NRG3: variants seen among roughly 807,000 people sequenced by gnomAD.
NRG3 encodes the protein pro-neuregulin-3, membrane-bound isoform.
Under a neutral mutation model 66.9 loss-of-function variants are expected in NRG3, and 31 were observed. The ratio of observed to expected loss-of-function variants is 0.46; its 90% CI spans 0.35 to 0.63. NRG3 has a LOEUF of 0.63. Ranked by LOEUF, NRG3 falls within the 20% of genes least tolerant of loss-of-function variation. The pLI, the probability that NRG3 is intolerant of heterozygous loss-of-function variation, is 0.00. For synonymous variants in NRG3, 393 were observed against 359.4 expected (o/e 1.09, Z -1.06); for missense variants, 910 against 878.9 (o/e 1.04, Z -0.45).
chr10:82,300,113 T>C (rs1047333733), intron 1 of NRG3, among the ~76,000 whole-genome samples: 3 of 152,150 alleles, frequency 2.0e-5, no homozygotes, highest in African/African-American at 7.2e-5. Flanking sequence ...GTAAACACAT[T>C]GTTAGTTTGG....
At chr10:82,030,783 G>GAC in intron 1 of NRG3, among the ~76,000 whole-genome samples, 1 of 151,826 alleles carries the variant, frequency 6.6e-6, no homozygotes, top group East Asian at 1.9e-4. Flanking sequence ...ATAAATGAAG[G>GAC]ACAAGTTTGC....
At chr10:82,116,243 C>T (rs1314419094) in intron 1 of NRG3, among the ~76,000 whole-genome samples, 1 of 151,938 alleles carries the variant, frequency 6.6e-6, no homozygotes, top group East Asian at 1.9e-4. Context: ...TATAGTATCC[C>T]TTTATTTATT....
At chr10:81,956,571 T>C (rs1849854824) in intron 1 of NRG3, among the ~76,000 whole-genome samples, 1 of 152,140 alleles carries the variant, frequency 6.6e-6, no homozygotes, top group South Asian at 2.1e-4. Flanking sequence ...TAACTGTACT[T>C]TCAAAATATA....
chr10:82,506,341 A>C (rs555394108), intron 2 of NRG3, among the ~76,000 whole-genome samples: 1 of 152,330 alleles, frequency 6.6e-6, no homozygotes, highest in East Asian at 1.9e-4. Flanking sequence ...AGGTACTCCA[A>C]CTTTTCCTTT....
At chr10:82,973,729 G>A (rs1851984955) in intron 6 of NRG3, 59 bp from the exon 7 acceptor site, 1 of 1,599,508 alleles carries the variant, frequency 6.3e-7, no homozygotes, top group Admixed American at 1.7e-5. Context: ...TAGCTCTGGT[G>A]TTATAGGCCC....
At chr10:82,960,854 T>A (rs1850570028) in intron 6 of NRG3, among the ~76,000 whole-genome samples, 1 of 151,840 alleles carries the variant, frequency 6.6e-6, no homozygotes, top group Admixed American at 6.6e-5. Context: ...GTAATTTTCC[T>A]TTACCTACCC....
At chr10:81,882,406 T>G (rs993619637) in intron 1 of NRG3, among the ~76,000 whole-genome samples, 2 of 152,174 alleles carry the variant, frequency 1.3e-5, no homozygotes, top group East Asian at 3.8e-4. Flanking sequence ...AATATATGTG[T>G]GTGTGTGTGT....
intron 2 of NRG3, among the ~76,000 whole-genome samples, chr10:82,404,734 A>C (rs2087370935): frequency 6.6e-6 from 1 of 152,176 alleles, no homozygotes; most frequent in African/African-American, 2.4e-5. Flanking sequence ...ACTGGAGTCT[A>C]TTACAGTTAA....
intron 2 of NRG3, among the ~76,000 whole-genome samples, chr10:82,366,369 C>T (rs897599303): frequency 1.3e-5 from 2 of 152,224 alleles, no homozygotes; most frequent in East Asian, 1.9e-4. Context: ...CAGGAGACTT[C>T]GGTTTAAAAG....
chr10:82,092,367 C>T (rs2133529636), intron 1 of NRG3, among the ~76,000 whole-genome samples: 1 of 152,150 alleles, frequency 6.6e-6, no homozygotes, highest in South Asian at 2.1e-4. Flanking sequence ...CCATTATCCC[C>T]ACCCTCAACT....
chr10:82,767,219 C>T (rs1003206913), intron 3 of NRG3, among the ~76,000 whole-genome samples: 5 of 152,040 alleles, frequency 3.3e-5, no homozygotes, highest in Admixed American at 3.3e-4. Flanking sequence ...TCTCCTGGAG[C>T]ACCCATCTAT....
intron 3 of NRG3, among the ~76,000 whole-genome samples, chr10:82,761,932 CTTTCTTTCTT>C (rs952627889): frequency 2.6e-5 from 3 of 117,444 alleles, no homozygotes; most frequent in African/African-American, 1.0e-4. Context: ...CTCTTTCTTT[CTTTCTTTCTT>C]TCTTTCTTTC....
In NRG3 at chr10:81,917,268, C is replaced by T. The variant is rs138362866; in HGVS notation, c.823+41105C>T. Among the ~76,000 whole-genome samples the T allele has an allele frequency of 1.1e-4, 16 of 152,296 alleles. No homozygotes were observed. The East Asian group carries it at 2.9e-3, about 28-fold the overall frequency. On this transcript the variant is annotated intron_variant, in intron 1 of 8. Coordinates refer to ENST00000372141, the MANE Select transcript of NRG3 (RefSeq NM_001010848.4). Reference sequence around the variant, plus strand: ...TTCAAGTCCCTTATTTGGAATGCATCTCTCCTTCCTCGGCTCTCCCCAAAC... The same window carrying T: ...TTCAAGTCCCTTATTTGGAATGCATTTCTCCTTCCTCGGCTCTCCCCAAAC...
intron 1 of NRG3, among the ~76,000 whole-genome samples, chr10:82,251,927 A>G (rs572152102): frequency 1.3e-4 from 8 of 62,848 alleles, no homozygotes; most frequent in African/African-American, 5.4e-4. Context: ...GCCCCTGAGC[A>G]ATGGTGTGGG....
chr10:82,789,630 A>G (rs1301287745), intron 3 of NRG3, among the ~76,000 whole-genome samples: 1 of 152,026 alleles, frequency 6.6e-6, no homozygotes, highest in Non-Finnish European at 1.5e-5. Flanking sequence ...TTTTAAGTCC[A>G]TTCTGCTAAT....
rs181774430 is a variant in NRG3 at position 82,758,389 on chromosome 10, A to T, written c.1027+19739A>T. Among the ~76,000 whole-genome samples the T allele has an allele frequency of 4.1e-3, 627 of 152,234 alleles. 9 individuals are homozygous for T. The highest frequency in any genetic ancestry group is 0.014 in the African/African-American group (574 of 41,558). On this transcript the variant is annotated intron_variant, in intron 3 of 8. Transcript: ENST00000372141. ...GATCAGCATCTATAGATGTATTTTT[A>T]TGAGTAATAAAGTATAAGGGGAAAG...
intron 1 of NRG3, among the ~76,000 whole-genome samples, chr10:81,946,261 C>T (rs941230941): frequency 1.3e-5 from 2 of 152,152 alleles, no homozygotes; most frequent in Non-Finnish European, 2.9e-5. Context: ...AGGTTATCTA[C>T]CCACCTCGGC....
chr10:82,513,085 A>C (rs1256386621), intron 2 of NRG3, among the ~76,000 whole-genome samples: 1 of 152,166 alleles, frequency 6.6e-6, no homozygotes, highest in Non-Finnish European at 1.5e-5. Flanking sequence ...TGCATTAGCT[A>C]TCTATCCTGA....
At chr10:82,338,188 T>C (rs1286859344) in intron 1 of NRG3, among the ~76,000 whole-genome samples, 5 of 152,210 alleles carry the variant, frequency 3.3e-5, no homozygotes, top group African/African-American at 2.4e-5. Context: ...GTCAATATGA[T>C]AGTAAAGTTG....
Sources: gnomAD v4.1 joint callset for allele counts (sites outside exome capture counted in the v4.1 genomes callset) on GRCh38, gnomAD v4.1.1 for gene constraint, MANE v1.5 for transcripts, NCBI Gene and HGNC (gene_info 2026-07-23, HGNC 2026-07-21) for gene names.